The following GALNT17 variants were observed in gnomAD, a reference collection of about 807,000 sequenced individuals.
The protein encoded by GALNT17 is polypeptide N-acetylgalactosaminyltransferase 17.
A neutral mutation model predicts 63.7 loss-of-function variants in GALNT17; 29 were observed. That is an observed-to-expected ratio of 0.46 (90% CI 0.34 to 0.62). GALNT17 has a LOEUF of 0.62. Among genes scored for constraint, GALNT17 ranks in the 20% least tolerant of loss-of-function variants. The probability of loss-of-function intolerance (pLI) is 0.01; values close to 1 mark genes in which losing one functional copy is unlikely to be tolerated. For missense variants in GALNT17, 603 were observed against 799.6 expected, an observed-to-expected ratio of 0.75 and a Z score of 2.97; for synonymous variants, 305 against 318.3, an observed-to-expected ratio of 0.96 and a Z score of 0.45.
At chr7:71,226,504 T>C (rs1789682656) in intron 1 of GALNT17, among the ~76,000 whole-genome samples, 1 of 152,184 alleles carries the variant, frequency 6.6e-6, no homozygotes, top group South Asian at 2.1e-4. Context: ...TTTTTTCTTT[T>C]TCTTTGAGAC....
At chr7:71,352,189 A>G (rs968980141) in intron 2 of GALNT17, among the ~76,000 whole-genome samples, 1 of 151,944 alleles carries the variant, frequency 6.6e-6, no homozygotes, top group African/African-American at 2.4e-5. Context: ...ATAAGGGGAA[A>G]CCCATTACAC....
intron 5 of GALNT17, among the ~76,000 whole-genome samples, chr7:71,512,012 GC>G (rs1234073960): frequency 1.8e-5 from 2 of 112,966 alleles, no homozygotes; most frequent in Non-Finnish European, 3.3e-5. Context: ...TTGGGTTCCA[GC>G]CTTTTTTTTT....
chr7:71,136,549 G>A (rs12699002), intron 1 of GALNT17, among the ~76,000 whole-genome samples: 33,375 of 151,296 alleles, frequency 0.22, 3,962 homozygotes, highest in African/African-American at 0.3. Flanking sequence ...GCAGTGGTGC[G>A]ATCTCCGCTC....
At chr7:71,270,944 A>G (rs1165845701) in intron 1 of GALNT17, among the ~76,000 whole-genome samples, 1 of 151,622 alleles carries the variant, frequency 6.6e-6, no homozygotes, top group African/African-American at 2.4e-5. Context: ...ATCAGAGAAA[A>G]AAAAAAGAAG....
At chr7:71,467,635 G>A (rs1049273095) in intron 5 of GALNT17, among the ~76,000 whole-genome samples, 1 of 151,936 alleles carries the variant, frequency 6.6e-6, no homozygotes, top group Admixed American at 6.6e-5. Flanking sequence ...CTGCTTATCT[G>A]ACCCCTTCCT....
chr7:71,611,455 C>G (rs540302571), intron 6 of GALNT17, among the ~76,000 whole-genome samples: 1 of 152,298 alleles, frequency 6.6e-6, no homozygotes, highest in South Asian at 2.1e-4. Context: ...CACAGAGAAA[C>G]AAATATCAGT....
chr7:71,191,559 G>A (rs1788952495), intron 1 of GALNT17, among the ~76,000 whole-genome samples: 1 of 152,162 alleles, frequency 6.6e-6, no homozygotes, highest in African/African-American at 2.4e-5. Context: ...ACAGATGGCT[G>A]GTTTGCAGGG....
chr7:71,365,972 A>G (rs1240411304), intron 2 of GALNT17, among the ~76,000 whole-genome samples: 1 of 152,304 alleles, frequency 6.6e-6, no homozygotes, highest in South Asian at 2.1e-4. Context: ...AGACGGTCCC[A>G]TCTGGGGGTG....
intron 1 of GALNT17, among the ~76,000 whole-genome samples, chr7:71,224,311 C>A (rs555505661): frequency 1.3e-5 from 2 of 152,118 alleles, no homozygotes; most frequent in Non-Finnish European, 2.9e-5. Flanking sequence ...CCCAAAGTTT[C>A]GGGATTACAG....
rs560379570 is a variant in GALNT17, at chr7:71,686,581, G to T, written c.1500+9275G>T. Among the ~76,000 whole-genome samples the T allele has an allele frequency of 3.3e-5, 5 of 151,710 alleles. No homozygotes were observed. In the South Asian group the frequency reaches 1.0e-3, roughly 32 times the overall value. On this transcript the variant is annotated intron_variant, in intron 9 of 10. Coordinates refer to ENST00000333538, the MANE Select transcript of GALNT17 (RefSeq NM_022479.3). ...TTTTTTAAATTTTTGTAGAGATAGG[G>T]ATCTCACTATGTTGCCCAGGCTGGT...
intron 5 of GALNT17, among the ~76,000 whole-genome samples, chr7:71,448,907 TGGGG>T (rs1787207052): frequency 6.6e-6 from 1 of 151,738 alleles, no homozygotes; most frequent in Non-Finnish European, 1.5e-5. Flanking sequence ...AGGTAGCCAG[TGGGG>T]GTAATGACTG....
chr7:71,638,596 G>A (rs1037631282), intron 6 of GALNT17, among the ~76,000 whole-genome samples: 1 of 152,190 alleles, frequency 6.6e-6, no homozygotes. Context: ...AGTCCTTGAG[G>A]TTAGAATGGA....
intron 1 of GALNT17, among the ~76,000 whole-genome samples, chr7:71,165,874 G>A (rs559253258): frequency 6.6e-6 from 1 of 152,076 alleles, no homozygotes; most frequent in Non-Finnish European, 1.5e-5. Flanking sequence ...ATGTGACTAT[G>A]TAAATAAACC....
At chr7:71,531,024 T>C (rs978595040) in intron 5 of GALNT17, among the ~76,000 whole-genome samples, 1 of 151,368 alleles carries the variant, frequency 6.6e-6, no homozygotes, top group Non-Finnish European at 1.5e-5. Flanking sequence ...ACTTGAAATA[T>C]AGCCAGCACA....
At chr7:71,650,876 T>G (rs745331726) in intron 6 of GALNT17, among the ~76,000 whole-genome samples, 4 of 152,170 alleles carry the variant, frequency 2.6e-5, no homozygotes, top group Non-Finnish European at 4.4e-5. Context: ...GAGGAAAGAA[T>G]AAAGGCTATG....
At chr7:71,176,138 G>C (rs1316931394) in intron 1 of GALNT17, among the ~76,000 whole-genome samples, 1 of 152,048 alleles carries the variant, frequency 6.6e-6, no homozygotes, top group African/African-American at 2.4e-5. Flanking sequence ...ACAACATGGT[G>C]TCTGGATTAT....
intron 6 of GALNT17, among the ~76,000 whole-genome samples, chr7:71,635,534 G>T (rs1266824579): frequency 1.3e-5 from 2 of 152,112 alleles, no homozygotes; most frequent in African/African-American, 4.8e-5. Flanking sequence ...TATTTATGGG[G>T]TACATGGGAA....
At chr7:71,367,235 A>G (rs977142287) in intron 2 of GALNT17, among the ~76,000 whole-genome samples, 1 of 152,132 alleles carries the variant, frequency 6.6e-6, no homozygotes, top group Non-Finnish European at 1.5e-5. Context: ...TCTTCCTTAT[A>G]GGCTTCTGAG....
chr7:71,149,842 C>T (rs1003783089), intron 1 of GALNT17, among the ~76,000 whole-genome samples: 3 of 152,300 alleles, frequency 2.0e-5, no homozygotes, highest in Admixed American at 6.5e-5. Context: ...CCTATGATTG[C>T]ACATCCATTG....
Sources: gnomAD v4.1 joint callset for allele counts (sites outside exome capture counted in the v4.1 genomes callset) on GRCh38, gnomAD v4.1.1 for gene constraint, MANE v1.5 for transcripts, NCBI Gene and HGNC (gene_info 2026-07-23, HGNC 2026-07-21) for gene names.